The following CYP7B1 variants were observed in gnomAD, a reference collection of about 807,000 sequenced individuals.
The protein encoded by CYP7B1 is cytochrome P450 family 7 subfamily B member 1.
Under a neutral mutation model 42.7 loss-of-function variants are expected in CYP7B1, and 29 were observed. That is an observed-to-expected ratio of 0.68 (90% CI 0.51 to 0.93). The LOEUF (loss-of-function observed/expected upper bound fraction) is 0.93, where lower values mean the gene tolerates loss of function less well. CYP7B1 is among the 40% of genes least tolerant of loss of function. The pLI is 0.00. For missense variants in CYP7B1, 655 were observed against 600.5 expected (o/e 1.09, Z -0.95); for synonymous variants, 235 against 218.2 (o/e 1.08, Z -0.68).
chr8:64,655,796 G>A (rs1806112038), intron 1 of CYP7B1, among the ~76,000 whole-genome samples: 1 of 152,110 alleles, frequency 6.6e-6, no homozygotes, highest in African/African-American at 2.4e-5. Context: ...AAAAAAATGT[G>A]ATACATATAT....
rs142303396 is a variant in CYP7B1 at position 64,621,787 on chromosome 8, G to A, written c.259+2616C>T. Reference sequence around the variant, plus strand: ...AGTCTCGTTCTGTCAACAGGCTGGAGTGCAGTGGTACGATCTCGGCTCACT... The same window carrying A: ...AGTCTCGTTCTGTCAACAGGCTGGAATGCAGTGGTACGATCTCGGCTCACT... On this transcript the variant is annotated intron_variant, in intron 2 of 5. Transcript: ENST00000310193. Among the ~76,000 whole-genome samples the A allele has an allele frequency of 6.3e-4, 93 of 148,602 alleles. No individual in the cohort carries two copies. The East Asian group carries it at 0.016, about 25-fold the overall frequency.
chr8:64,746,448 T>G lies in CYP7B1; in HGVS notation c.122+52018A>C, dbSNP rs186913864. On this transcript the variant is annotated intron_variant, in intron 1 of 5. Coordinates refer to ENST00000310193, the MANE Select transcript of CYP7B1 (RefSeq NM_004820.5). ...CTCATCACTCATTTACAGAATATAT[T>G]AAAATATATTTTGCATTCAGTTAGT... is the stretch of plus-strand genomic sequence containing the variant. Among the ~76,000 whole-genome samples, 14 of 152,312 alleles carry G rather than the reference T, an allele frequency of 9.2e-5. No homozygotes were observed. The East Asian group carries it at 2.7e-3, about 29-fold the overall frequency.
At chr8:64,717,872 G>GA (rs1278637967) in intron 1 of CYP7B1, among the ~76,000 whole-genome samples, 1 of 148,666 alleles carries the variant, frequency 6.7e-6, no homozygotes, top group African/African-American at 2.5e-5. Context: ...TTTTTTTTTG[G>GA]AAAAAAAATG....
At chr8:64,665,543 G>GTT (rs989479536) in intron 1 of CYP7B1, among the ~76,000 whole-genome samples, 4 of 46,232 alleles carry the variant, frequency 8.7e-5, no homozygotes, top group Admixed American at 7.8e-4. Flanking sequence ...CATTTTAAGT[G>GTT]TTTTTTTTTT....
intron 2 of CYP7B1, among the ~76,000 whole-genome samples, chr8:64,619,645 T>C (rs1410777543): frequency 2.0e-5 from 3 of 152,202 alleles, no homozygotes; most frequent in African/African-American, 7.2e-5. Flanking sequence ...ATATTAACTG[T>C]AGCATTCCTG....
chr8:64,658,637 T>C lies in CYP7B1; in HGVS notation c.123-34098A>G, dbSNP rs531927849. Reference sequence around the variant, plus strand: ...ACTGTGAAGTTATTTTTTGTGGTCATGTTCCCTGGTAAGTCTTCATCTTTT... The same window carrying C: ...ACTGTGAAGTTATTTTTTGTGGTCACGTTCCCTGGTAAGTCTTCATCTTTT... On this transcript the variant is annotated intron_variant, in intron 1 of 5. Coordinates refer to ENST00000310193, the MANE Select transcript of CYP7B1 (RefSeq NM_004820.5). Among the ~76,000 whole-genome samples, 50 of 152,324 alleles carry C rather than the reference T, an allele frequency of 3.3e-4. 1 individual carries two copies. The highest frequency in any genetic ancestry group is 8.2e-4 in the African/African-American group (34 of 41,570).
At chr8:64,671,465 A>G (rs1248266544) in intron 1 of CYP7B1, among the ~76,000 whole-genome samples, 1 of 152,184 alleles carries the variant, frequency 6.6e-6, no homozygotes, top group East Asian at 1.9e-4. Context: ...TGATATAGCC[A>G]ACATATAATC....
intron 1 of CYP7B1, among the ~76,000 whole-genome samples, chr8:64,648,143 T>C (rs939406100): frequency 1.3e-5 from 2 of 152,152 alleles, no homozygotes; most frequent in African/African-American, 2.4e-5. Context: ...TGGGAAAAGG[T>C]ATATATAAAA....
intron 1 of CYP7B1, among the ~76,000 whole-genome samples, chr8:64,754,310 T>C (rs1379495516): frequency 6.6e-6 from 1 of 152,166 alleles, no homozygotes; most frequent in Non-Finnish European, 1.5e-5. Flanking sequence ...CTTGAATATA[T>C]TTTTAGTATT....
intron 1 of CYP7B1, among the ~76,000 whole-genome samples, chr8:64,672,760 G>A (rs1283905070): frequency 6.6e-6 from 1 of 152,094 alleles, no homozygotes; most frequent in African/African-American, 2.4e-5. Flanking sequence ...TGCAATTTAT[G>A]TTTCTTGGCC....
At chr8:64,713,134 C>G (rs1807105460) in intron 1 of CYP7B1, among the ~76,000 whole-genome samples, 1 of 152,050 alleles carries the variant, frequency 6.6e-6, no homozygotes, top group Non-Finnish European at 1.5e-5. Flanking sequence ...CATCATCAAA[C>G]AAAAATTGTT....
intron 2 of CYP7B1, among the ~76,000 whole-genome samples, chr8:64,619,433 T>C (rs1376831457): frequency 2.6e-5 from 4 of 152,174 alleles, no homozygotes; most frequent in African/African-American, 9.7e-5. Context: ...TGTCAGCAGT[T>C]GATATGAAAT....
intron 1 of CYP7B1, among the ~76,000 whole-genome samples, chr8:64,776,510 C>T (rs1237702489): frequency 6.6e-6 from 1 of 152,156 alleles, no homozygotes; most frequent in African/African-American, 2.4e-5. Context: ...TACTTTTAAA[C>T]CCTCTTGCCC....
intron 1 of CYP7B1, among the ~76,000 whole-genome samples, chr8:64,783,647 G>A (rs1419767106): frequency 2.0e-5 from 3 of 151,504 alleles, no homozygotes; most frequent in Non-Finnish European, 2.9e-5. Context: ...TTTCAAATAA[G>A]ATAACCCATG....
intron 1 of CYP7B1, among the ~76,000 whole-genome samples, chr8:64,715,581 A>AT (rs914992406): frequency 6.6e-6 from 1 of 151,838 alleles, no homozygotes; most frequent in Non-Finnish European, 1.5e-5. Context: ...TCTTACCTCT[A>AT]TTTTTTTTCC....
At chr8:64,731,707 T>C (rs1380394455) in intron 1 of CYP7B1, among the ~76,000 whole-genome samples, 2 of 152,210 alleles carry the variant, frequency 1.3e-5, no homozygotes, top group Non-Finnish European at 2.9e-5. Flanking sequence ...CCTCTCATCA[T>C]AGGCCCAGAG....
chr8:64,641,376 A>G (rs1805853851), intron 1 of CYP7B1, among the ~76,000 whole-genome samples: 2 of 152,168 alleles, frequency 1.3e-5, no homozygotes, highest in Non-Finnish European at 2.9e-5. Flanking sequence ...ACAAAAAGTA[A>G]GCCATCTAAA....
At chr8:64,755,089 G>C (rs765006754) in intron 1 of CYP7B1, among the ~76,000 whole-genome samples, 7 of 152,156 alleles carry the variant, frequency 4.6e-5, no homozygotes, top group Non-Finnish European at 7.4e-5. Context: ...GCAAATCATG[G>C]TAAGTTCATG....
At chr8:64,716,478 G>A (rs535214187) in intron 1 of CYP7B1, among the ~76,000 whole-genome samples, 5 of 152,102 alleles carry the variant, frequency 3.3e-5, no homozygotes, top group East Asian at 1.9e-4. Flanking sequence ...AGGCCGAGGC[G>A]GGCAGATCAC....
Sources: allele counts gnomAD v4.1 joint callset (sites outside exome capture counted in the v4.1 genomes callset), GRCh38; gene constraint gnomAD v4.1.1; transcripts MANE v1.5; gene names NCBI Gene and HGNC (gene_info 2026-07-23, HGNC 2026-07-21).